Variants in MAX observed in about 807,000 individuals in gnomAD.
MAX encodes the protein MYC associated transcriptional regulator X.
MAX carries 3 observed loss-of-function variants against 22.3 expected under a neutral mutation model. That is an observed-to-expected ratio of 0.13 (90% CI 0.06 to 0.35). The LOEUF (loss-of-function observed/expected upper bound fraction) is 0.35. Among genes scored for constraint, MAX ranks in the 10% least tolerant of loss-of-function variants. The pLI, the probability that MAX is intolerant of heterozygous loss-of-function variation, is 1.00. For synonymous variants in MAX, 72 were observed against 77.7 expected, an observed-to-expected ratio of 0.93 and a Z score of 0.39; for missense variants, 119 against 209.4, an observed-to-expected ratio of 0.57 and a Z score of 2.66.
At chr14:65,021,475 G>T (rs992322484) in intron 3 of MAX, among the ~76,000 whole-genome samples, 1 of 152,016 alleles carries the variant, frequency 6.6e-6, no homozygotes, top group Admixed American at 6.6e-5. Context: ...ACCTTTCAGT[G>T]AGGACACCAT....
At chr14:65,048,928 C>T (rs2062547290) in intron 3 of MAX, among the ~76,000 whole-genome samples, 1 of 152,040 alleles carries the variant, frequency 6.6e-6, no homozygotes, top group African/African-American at 2.4e-5. Flanking sequence ...AGTTCAAGAC[C>T]AGCCTGGCCA....
intron 3 of MAX, among the ~76,000 whole-genome samples, chr14:65,055,539 CAA>C (rs1192148030): frequency 6.6e-6 from 1 of 151,114 alleles, no homozygotes; most frequent in East Asian, 1.9e-4. Flanking sequence ...TTTTGTGAGA[CAA>C]AGTCTCACTC....
At position 65,076,466 on chromosome 14, in the gene MAX, C is replaced by G; in HGVS notation, c.*10G>C. 1 of 1,612,896 alleles carries G rather than the reference C, an allele frequency of 6.2e-7. No homozygotes were observed. The highest frequency in any genetic ancestry group is 8.5e-7 in the Non-Finnish European group (1 of 1,180,000). ...CAGACAGTTTTTATTGCTGGCCTGCCCCGAGTGGCTTAGCTGGCCTCCATC... is the reference window on the plus strand; with the variant it reads ...CAGACAGTTTTTATTGCTGGCCTGCGCCGAGTGGCTTAGCTGGCCTCCATC... On this transcript the variant is annotated 3_prime_UTR_variant, in exon 5 of 5. Coordinates refer to ENST00000358664, the MANE Select transcript of MAX (RefSeq NM_002382.5). The surrounding 1 kb of genome is among the most constrained non-coding windows in gnomAD (Gnocchi z 6.6).
intron 2 of MAX, among the ~76,000 whole-genome samples, chr14:65,097,961 A>T (rs1269760408): frequency 6.6e-6 from 1 of 152,150 alleles, no homozygotes; most frequent in African/African-American, 2.4e-5. Context: ...TTGTTTTCAA[A>T]CTTTTTTCTT....
chr14:65,067,300 A>G lies in MAX; in HGVS notation c.171+26408T>C, dbSNP rs571941574. 4.6e-5 allele frequency among the ~76,000 whole-genome samples: 7 copies of G among 152,298 alleles called. No homozygotes were observed. In the South Asian group the frequency reaches 1.4e-3, roughly 32 times the overall value. On this transcript the variant is annotated intron_variant, in intron 3 of 3. Transcript: ENST00000341653. Reference sequence around the variant, plus strand: ...ACAGACCCATTAGTCAGTTTTCCCTATTAACATCTTCCACTAATAGGTGGC... The same window carrying G: ...ACAGACCCATTAGTCAGTTTTCCCTGTTAACATCTTCCACTAATAGGTGGC...
In MAX at chr14:65,102,154, C is replaced by A; in HGVS notation, c.36+150G>T. The A allele has an allele frequency of 4.9e-6, 7 of 1,434,452 alleles. No homozygotes were observed. The South Asian group carries it at 8.8e-5, about 18-fold the overall frequency. 88.9% of individuals were successfully genotyped at this position (1,434,452 alleles called of 1,614,324 possible). A position where few individuals can be genotyped will look rare whatever the true frequency, so the allele number is the denominator to read the frequency against. On this transcript the variant is annotated intron_variant, in intron 1 of 4. Transcript: ENST00000358664. ...GGCCAGGAGCCGGAGGGGAGCGAAC[C>A]GGGAACGCGACGGAGGCACTCCTGG...
chr14:65,077,393 C>T lies in MAX; in HGVS notation c.295+520G>A. 6.2e-7 allele frequency: 1 copy of T among 1,613,986 alleles called. No individual in the cohort carries two copies. Among genetic ancestry groups the T allele is most frequent in the Non-Finnish European group, 8.5e-7 (1 of 1,179,894 alleles). On this transcript the variant is annotated intron_variant, in intron 4 of 4. Transcript: ENST00000358664. The surrounding 1 kb of genome is among the most constrained non-coding windows in gnomAD (Gnocchi z 6.3). ...TGAGGGAGGAAGAGAAGTGAATTCC[C>T]CAGGAACAAAGAACTTGATCAGCTC... is the stretch of plus-strand genomic sequence containing the variant.
intron 3 of MAX, among the ~76,000 whole-genome samples, chr14:65,017,841 G>T (rs1200137547): frequency 6.6e-6 from 1 of 152,058 alleles, no homozygotes; most frequent in Non-Finnish European, 1.5e-5. Context: ...TGTCATCCCA[G>T]CTACTCGGGA....
At position 65,069,474 on chromosome 14, in the gene MAX, T is replaced by G. The variant is rs960874072; in HGVS notation, c.171+24234A>C. Among the ~76,000 whole-genome samples, 30 of 152,314 alleles carry G rather than the reference T, an allele frequency of 2.0e-4. No homozygotes were observed. The highest frequency in any genetic ancestry group is 7.2e-4 in the African/African-American group (30 of 41,572). ...AAATGCCTAACCTCATCTCTAAGCT[T>G]CTTCAAGGCAAGGCCCAGCCTTTAT... is the stretch of plus-strand genomic sequence containing the variant. On this transcript the variant is annotated intron_variant, in intron 3 of 3. Transcript: ENST00000341653. The surrounding 1 kb of genome is among the most constrained non-coding windows in gnomAD (Gnocchi z 4.6).
chr14:65,018,494 C>T (rs1033914170), intron 3 of MAX, among the ~76,000 whole-genome samples: 5 of 152,004 alleles, frequency 3.3e-5, no homozygotes, highest in South Asian at 2.1e-4. Context: ...TATTTCTGGA[C>T]GATGGGGTTA....
chr14:65,025,676 G>A lies in MAX; in HGVS notation c.172-19392C>T, dbSNP rs144707018. On this transcript the variant is annotated intron_variant, in intron 3 of 3. Coordinates refer to the MAX transcript ENST00000341653. ...TAAAAAATACAAAAACTAGCCAGGC[G>A]TGGTGGCTCATGCCTGTAATTCTAG... Among the ~76,000 whole-genome samples, 198 of 152,136 alleles carry A rather than the reference G, an allele frequency of 1.3e-3. 1 individual carries two copies. The highest frequency in any genetic ancestry group is 4.7e-3 in the African/African-American group (195 of 41,494).
At chr14:65,066,414 C>T (rs1175930318) in intron 3 of MAX, among the ~76,000 whole-genome samples, 3 of 152,228 alleles carry the variant, frequency 2.0e-5, no homozygotes, top group Non-Finnish European at 2.9e-5. Flanking sequence ...GGTGGCCTCA[C>T]GTTCCTCCCT....
At chr14:65,089,592 A>G (rs2063439465) in intron 3 of MAX, among the ~76,000 whole-genome samples, 1 of 151,872 alleles carries the variant, frequency 6.6e-6, no homozygotes, top group East Asian at 1.9e-4. Context: ...ACTGGGGCTT[A>G]TGAGATGGAG....
At chr14:65,053,365 C>CT (rs776626064) in intron 3 of MAX, 1 of 1,406,198 alleles carries the variant, frequency 7.1e-7, no homozygotes, top group East Asian at 2.7e-5. Flanking sequence ...TGTTTTCTCT[C>CT]TGGGGAGGGA....
chr14:65,043,006 C>T (rs1454853455), intron 3 of MAX, among the ~76,000 whole-genome samples: 1 of 152,204 alleles, frequency 6.6e-6, no homozygotes, highest in African/African-American at 2.4e-5. Context: ...ATAATCTAAA[C>T]AACAGCTTTT....
At position 65,041,724 on chromosome 14, in the gene MAX, CTCCCCCGGTGTAG is replaced by C. The variant is rs796343450; in HGVS notation, c.172-35453_172-35441del. 6.6e-5 allele frequency among the ~76,000 whole-genome samples: 10 copies of C among 152,304 alleles called. 1 individual carries two copies. Among genetic ancestry groups the C allele is most frequent in the African/African-American group, 2.2e-4 (9 of 41,570 alleles). On this transcript the variant is annotated intron_variant, in intron 3 of 3. Transcript: ENST00000341653. ...TGTCTTGCCTCCACCTTCAGAAAGC[CTCCCCCGGTGTAG>C]TCTTTTTAAAGATTCATGAAGGCTT... is the stretch of plus-strand genomic sequence containing the variant.
At chr14:65,041,027 A>T (rs2062341270) in intron 3 of MAX, 1 of 1,501,504 alleles carries the variant, frequency 6.7e-7, no homozygotes, top group Admixed American at 2.0e-5. Flanking sequence ...GGGCTAAGAG[A>T]GTTAGCTCTG....
chr14:65,070,395 G>A (rs1265486411), downstream of MAX, among the ~76,000 whole-genome samples: 3 of 152,118 alleles, frequency 2.0e-5, no homozygotes, highest in South Asian at 2.1e-4. This position sits in a 1 kb window ranked among gnomAD's most constrained non-coding sequence, Gnocchi z 4.4. Flanking sequence ...AGCAGAGACC[G>A]TGCTACATAA....
rs934596304 is a variant in MAX at position 65,102,510 on chromosome 14, T to G, written c.-171A>C. ...ACACACAACACGGGCAAGAACCACC[T>G]CCTCACTGCAGCACCGGATCAACGG... On this transcript the variant is annotated 5_prime_UTR_variant, in exon 1 of 5. Coordinates refer to ENST00000358664, the MANE Select transcript of MAX (RefSeq NM_002382.5). 1.3e-5 allele frequency: 19 copies of G among 1,477,042 alleles called. No homozygotes were observed. The African/African-American group carries it at 2.1e-4, about 16-fold the overall frequency. The allele number at this position is 1,477,042 out of a possible 1,614,324, so 91.5% of individuals were successfully genotyped here. A position where few individuals can be genotyped will look rare whatever the true frequency, so the allele number is the denominator to read the frequency against.
Sources: allele counts gnomAD v4.1 joint callset (sites outside exome capture counted in the v4.1 genomes callset), GRCh38; gene constraint gnomAD v4.1.1; non-coding constraint Gnocchi (gnomAD v3.1); transcripts MANE v1.5; gene names NCBI Gene and HGNC (gene_info 2026-07-23, HGNC 2026-07-21).